The following ATP13A3 variants were observed in gnomAD, a reference collection of about 807,000 sequenced individuals.
ATP13A3 encodes ATPase 13A3, also known as polyamine-transporting ATPase 13A3.
A neutral mutation model predicts 158.1 loss-of-function variants in ATP13A3; 59 were observed. The ratio of observed to expected loss-of-function variants is 0.37; its 90% CI spans 0.30 to 0.46. ATP13A3 has a LOEUF of 0.46. ATP13A3 is among the 20% of genes least tolerant of loss of function. The pLI is 1.00. For synonymous variants in ATP13A3, 491 were observed against 504.3 expected (o/e 0.97, Z 0.35); for missense variants, 1,166 against 1,525.2 (o/e 0.76, Z 3.92).
intron 31 of ATP13A3, among the ~76,000 whole-genome samples, chr3:194,414,991 G>C (rs757933361): frequency 5.3e-5 from 8 of 152,176 alleles, no homozygotes; most frequent in Non-Finnish European, 1.2e-4. Flanking sequence ...GATATCACCA[G>C]AATGTATTGA....
chr3:194,421,124 A>ATATATATAG (rs1560074805), intron 30 of ATP13A3, among the ~76,000 whole-genome samples: 4 of 70,570 alleles, frequency 5.7e-5, no homozygotes, highest in African/African-American at 4.5e-4. Context: ...GTATATATAT[A>ATATATATAG]TATATATATA....
chr3:194,462,012 GA>G (rs1719701054), intron 3 of ATP13A3, 127 bp downstream of exon 3: 1 of 806,386 alleles, frequency 1.2e-6, no homozygotes, highest in Admixed American at 2.2e-5. Flanking sequence ...AGCACAGGAT[GA>G]AGAAAGAAGC....
At chr3:194,476,780 T>TTTTC (rs1015955145) in intron 2 of ATP13A3, among the ~76,000 whole-genome samples, 80 of 151,582 alleles carry the variant, frequency 5.3e-4, no homozygotes, top group African/African-American at 1.9e-3. Flanking sequence ...TTTTTTTTTT[T>TTTTC]CAAAACAATT....
rs142320589 is a variant in ATP13A3 at position 194,413,838 on chromosome 3, A to G, written c.3404T>C (p.Ile1135Thr). ...PVASVDQVLQ[I>T]VCVPYQWRVT... ...ACGCCACTGATATGGTACACACACT[A>G]TCTGTAATGCAAAAACATTTTAAAG... The change falls in exon 32 of 34, where the codon ATA becomes ACA. Residue 1135 changes from isoleucine (I) to threonine (T), a missense_variant and splice_region_variant. Coordinates refer to ENST00000645319, the MANE Select transcript of ATP13A3 (RefSeq NM_001367549.1). 1.4e-4 allele frequency: 224 copies of G among 1,612,468 alleles called. 1 individual carries two copies. In the East Asian group the frequency reaches 3.9e-3, roughly 28 times the overall value.
In ATP13A3 at chr3:194,429,780, A is replaced by T; in HGVS notation, c.2778-6T>A. On this transcript the variant is annotated splice_region_variant and splice_polypyrimidine_tract_variant and intron_variant, in intron 26 of 33. Coordinates refer to ENST00000645319, the MANE Select transcript of ATP13A3 (RefSeq NM_001367549.1). ...TTAAAGCAGCACGGCCTTCCCTGTG[A>T]AAAGAAATCAAATGTCGGCATATGA... is the stretch of plus-strand genomic sequence containing the variant. The T allele has an allele frequency of 1.2e-6, 2 of 1,609,088 alleles. No homozygotes were observed. The highest frequency in any genetic ancestry group is 8.5e-7 in the Non-Finnish European group (1 of 1,176,800).
At chr3:194,425,554 G>A (rs1716704234) in intron 29 of ATP13A3, 25 bp from the exon 30 acceptor site, 1 of 1,573,798 alleles carries the variant, frequency 6.4e-7, no homozygotes, top group South Asian at 1.2e-5. Context: ...AAAAATGTCT[G>A]CATTAGTAAA....
chr3:194,425,293 G>C (rs1312521615), intron 30 of ATP13A3, 49 bp downstream of exon 30: 1 of 1,507,830 alleles, frequency 6.6e-7, no homozygotes, highest in East Asian at 2.3e-5. Flanking sequence ...TTCTACATTA[G>C]TTTTAAAGGG....
chr3:194,412,104 A>G, intron 33 of ATP13A3, 95 bp downstream of exon 33: 1 of 997,368 alleles, frequency 1.0e-6, no homozygotes, highest in Non-Finnish European at 1.5e-6. Flanking sequence ...AGAGAATAAC[A>G]CATAACAGAA....
chr3:194,475,066 A>G (rs1388934519), intron 2 of ATP13A3, among the ~76,000 whole-genome samples: 1 of 152,194 alleles, frequency 6.6e-6, no homozygotes, highest in Non-Finnish European at 1.5e-5. Flanking sequence ...GATGAGAAAA[A>G]GGGGATGCTA....
chr3:194,467,635 T>A (rs772280720), intron 2 of ATP13A3, among the ~76,000 whole-genome samples: 2 of 152,200 alleles, frequency 1.3e-5, no homozygotes, highest in African/African-American at 2.4e-5. Context: ...AAACTTTTAG[T>A]CAACTCCAAT....
chr3:194,428,177 T>C lies in ATP13A3; in HGVS notation c.2947+668A>G, dbSNP rs547126684. ...CGGAGGTTGCAGTGAGCTGAGATCGTGCCACTGCACTCCAGCCTGGGTGAC... is the reference window on the plus strand; with the variant it reads ...CGGAGGTTGCAGTGAGCTGAGATCGCGCCACTGCACTCCAGCCTGGGTGAC... On this transcript the variant is annotated intron_variant, in intron 28 of 33. Transcript: ENST00000645319. 4.9e-5 allele frequency among the ~76,000 whole-genome samples: 7 copies of C among 142,764 alleles called. No homozygotes were observed. In the East Asian group the frequency reaches 1.2e-3, roughly 25 times the overall value. The allele number at this position is 142,764 out of a possible 152,430, so 93.7% of individuals were successfully genotyped here. A position where few individuals can be genotyped will look rare whatever the true frequency, so the allele number is the denominator to read the frequency against.
intron 30 of ATP13A3, among the ~76,000 whole-genome samples, chr3:194,421,120 A>ATATATATATATAG (rs1560074774): frequency 8.5e-4 from 32 of 37,550 alleles, no homozygotes; most frequent in Non-Finnish European, 1.3e-3. Context: ...GGGTGTATAT[A>ATATATATATATAG]TATATATATA....
intron 2 of ATP13A3, among the ~76,000 whole-genome samples, chr3:194,466,975 C>CA (rs1416790403): frequency 6.6e-6 from 1 of 152,224 alleles, no homozygotes; most frequent in Non-Finnish European, 1.5e-5. Flanking sequence ...TCCACTGACT[C>CA]AATCTACTAT....
At position 194,403,920 on chromosome 3, in the gene ATP13A3, G is replaced by A; in HGVS notation, c.*1999C>T. 3.2e-6 allele frequency: 1 copy of A among 313,200 alleles called. No homozygotes were observed. Among genetic ancestry groups the A allele is most frequent in the South Asian group, 2.6e-5 (1 of 39,148 alleles). 19.4% of individuals were successfully genotyped at this position (313,200 alleles called of 1,614,324 possible). ...CTAACTCTAAATGTTAAAAAAGTGGGGGGGGGGTGTCAAAAATAGCTCTTT... is the reference window on the plus strand; with the variant it reads ...CTAACTCTAAATGTTAAAAAAGTGGAGGGGGGGTGTCAAAAATAGCTCTTT... On this transcript the variant is annotated 3_prime_UTR_variant, in exon 34 of 34. Coordinates refer to ENST00000645319, the MANE Select transcript of ATP13A3 (RefSeq NM_001367549.1).
chr3:194,493,708 A>C (rs1219935433), intron 2 of ATP13A3, among the ~76,000 whole-genome samples: 8 of 152,096 alleles, frequency 5.3e-5, no homozygotes, highest in African/African-American at 1.9e-4. Flanking sequence ...TTGAATAAGC[A>C]CCTATTTAGT....
rs771315226 is a variant in ATP13A3 at position 194,437,586 on chromosome 3, CA to C, written c.1828-14del. ...GTTCAAACAGCTCCTAAAAACGAAA[CA>C]AAACAAGAAAAAATAGTACAGATTA... is the stretch of plus-strand genomic sequence containing the variant. On this transcript the variant is annotated splice_polypyrimidine_tract_variant and intron_variant, in intron 17 of 33. Transcript: ENST00000645319. 4.4e-6 allele frequency: 7 copies of C among 1,595,274 alleles called. No homozygotes were observed. The African/African-American group carries it at 9.5e-5, about 22-fold the overall frequency.
intron 6 of ATP13A3, among the ~76,000 whole-genome samples, chr3:194,457,530 G>T (rs1046571958): frequency 8.5e-5 from 13 of 152,092 alleles, no homozygotes; most frequent in African/African-American, 3.1e-4. Flanking sequence ...AGTATAACTT[G>T]AGAATTCTAA....
chr3:194,441,304 G>T lies in ATP13A3; in HGVS notation c.1710+7C>A. 3 of 1,597,574 alleles carry T rather than the reference G, an allele frequency of 1.9e-6. No homozygotes were observed. In the South Asian group the frequency reaches 3.4e-5, roughly 18 times the overall value. On this transcript the variant is annotated splice_region_variant and intron_variant, in intron 16 of 33. Transcript: ENST00000645319. The stretch of plus-strand genomic sequence containing the variant: ...AAGTTATTTGTATTTTAAAATATTT[G>T]ACTTACCCATCCAATAGCCTCAAAC...
At chr3:194,415,358 A>G (rs1015077068) in intron 31 of ATP13A3, among the ~76,000 whole-genome samples, 1 of 152,172 alleles carries the variant, frequency 6.6e-6, no homozygotes, top group African/African-American at 2.4e-5. Flanking sequence ...ATGTGGTACT[A>G]TTTCAAGAAA....
Sources: gnomAD v4.1 joint callset for allele counts (sites outside exome capture counted in the v4.1 genomes callset) on GRCh38, gnomAD v4.1.1 for gene constraint, MANE v1.5 for transcripts, NCBI Gene and HGNC (gene_info 2026-07-23, HGNC 2026-07-21) for gene names.